ANKAR: variants seen among roughly 807,000 people sequenced by gnomAD.
The protein encoded by ANKAR is ankyrin and armadillo repeat containing.
In ANKAR, 136 loss-of-function variants were observed where a neutral mutation model predicts 146.2. That is an observed-to-expected ratio of 0.93 (90% CI 0.81 to 1.07). The LOEUF is 1.07. Among genes scored for constraint, ANKAR ranks in the 50% least tolerant of loss-of-function variants. The pLI, the probability that ANKAR is intolerant of heterozygous loss-of-function variation, is 0.00. For missense variants in ANKAR, 1,567 were observed against 1,679.9 expected (o/e 0.93, Z 1.18); for synonymous variants, 500 against 575.8 (o/e 0.87, Z 1.88).
downstream of ANKAR, chr2:189,750,483 A>G: frequency 1.6e-6 from 1 of 618,400 alleles, no homozygotes; most frequent in Admixed American, 3.5e-5. Flanking sequence ...ATGAATAATT[A>G]ATATTATATA....
intron 3 of ANKAR, among the ~76,000 whole-genome samples, chr2:189,691,465 C>T (rs2105805425): frequency 6.6e-6 from 1 of 152,086 alleles, no homozygotes; most frequent in Non-Finnish European, 1.5e-5. Flanking sequence ...TTTATAATGT[C>T]TCCTTTTACC....
At chr2:189,683,043 T>C (rs1375598254) in intron 2 of ANKAR, among the ~76,000 whole-genome samples, 1 of 152,166 alleles carries the variant, frequency 6.6e-6, no homozygotes, top group African/African-American at 2.4e-5. Flanking sequence ...AATGCCCTTA[T>C]AAAAGAGGCC....
chr2:189,750,637 T>C (rs1292915064), downstream of ANKAR: 3 of 1,586,984 alleles, frequency 1.9e-6, no homozygotes, highest in African/African-American at 1.3e-5. Context: ...TCTTTTGATA[T>C]GTCTACTCCA....
intron 2 of ANKAR, among the ~76,000 whole-genome samples, chr2:189,683,873 G>C (rs2035125084): frequency 6.6e-6 from 1 of 152,184 alleles, no homozygotes. Flanking sequence ...AGACTGCTGG[G>C]AATCCGTCTT....
chr2:189,743,589 T>C, intron 21 of ANKAR, 115 bp downstream of exon 21: 3 of 929,584 alleles, frequency 3.2e-6, no homozygotes, highest in Non-Finnish European at 4.8e-6. Flanking sequence ...ATCTCCTGTA[T>C]AGCAGAGGAT....
intron 19 of ANKAR, among the ~76,000 whole-genome samples, chr2:189,739,012 T>C (rs1233168859): frequency 6.6e-6 from 1 of 152,222 alleles, no homozygotes; most frequent in Non-Finnish European, 1.5e-5. Flanking sequence ...TGATTTATAA[T>C]AGTGGTGGCA....
At chr2:189,714,963 AAAAAGAG>A (rs2040228845) in intron 10 of ANKAR, among the ~76,000 whole-genome samples, 2 of 144,004 alleles carry the variant, frequency 1.4e-5, no homozygotes, top group African/African-American at 5.0e-5. Context: ...AAAAAAAAAA[AAAAAGAG>A]AGAGAGAGAG....
At chr2:189,745,053 T>C (rs1299976821) in intron 22 of ANKAR, among the ~76,000 whole-genome samples, 3 of 27,660 alleles carry the variant, frequency 1.1e-4, no homozygotes, top group African/African-American at 4.0e-4. Flanking sequence ...TAGCCAGGCA[T>C]GGTGGCGCGT....
At chr2:189,751,446 T>G (rs899958506), downstream of ANKAR, among the ~76,000 whole-genome samples, 8 of 121,364 alleles carry the variant, frequency 6.6e-5, no homozygotes, top group Non-Finnish European at 1.0e-4. Flanking sequence ...CAAGTTGTGT[T>G]TTTTTTTTTT....
chr2:189,722,269 G>A (rs1048874817), intron 12 of ANKAR, among the ~76,000 whole-genome samples: 3 of 150,436 alleles, frequency 2.0e-5, no homozygotes, highest in Non-Finnish European at 4.4e-5. Flanking sequence ...AACCCGAGAG[G>A]CGGAGGTTGC....
chr2:189,686,418 TC>T (rs1444781292), intron 2 of ANKAR, among the ~76,000 whole-genome samples: 1 of 152,204 alleles, frequency 6.6e-6, no homozygotes, highest in Non-Finnish European at 1.5e-5. Flanking sequence ...GTCCTCAATT[TC>T]TTTGTAAATG....
intron 18 of ANKAR, among the ~76,000 whole-genome samples, chr2:189,759,502 G>A (rs139968061): frequency 1.8e-3 from 275 of 152,152 alleles, no homozygotes; most frequent in African/African-American, 6.1e-3. Flanking sequence ...CACTTGCCTC[G>A]GCCTCCCAAA....
intron 7 of ANKAR, among the ~76,000 whole-genome samples, chr2:189,701,945 T>TA (rs1442955884): frequency 2.0e-5 from 3 of 152,074 alleles, no homozygotes; most frequent in African/African-American, 4.8e-5. Context: ...GATGGTAAGG[T>TA]ATGGGGGGAG....
intron 16 of ANKAR, among the ~76,000 whole-genome samples, chr2:189,732,782 T>C (rs868659462): frequency 1.3e-5 from 2 of 152,122 alleles, no homozygotes; most frequent in South Asian, 2.1e-4. Context: ...GAACTTTTTT[T>C]TAATATGGAA....
intron 7 of ANKAR, among the ~76,000 whole-genome samples, chr2:189,699,716 G>T (rs2037775663): frequency 6.6e-6 from 1 of 152,188 alleles, no homozygotes; most frequent in South Asian, 2.1e-4. Flanking sequence ...CTGGAGTGCA[G>T]TGGTGAGATT....
At chr2:189,718,836 G>A (rs1364108584) in intron 10 of ANKAR, among the ~76,000 whole-genome samples, 1 of 147,916 alleles carries the variant, frequency 6.8e-6, no homozygotes, top group Non-Finnish European at 1.5e-5. Flanking sequence ...TGCAAGCTCC[G>A]CTTCCCGGGT....
intron 1 of ANKAR, among the ~76,000 whole-genome samples, chr2:189,675,594 C>G (rs1210573335): frequency 6.6e-6 from 1 of 152,064 alleles, no homozygotes. Context: ...TTGATCTGCC[C>G]GACTTGGCCT....
downstream of ANKAR, chr2:189,761,709 C>T: frequency 1.4e-6 from 2 of 1,434,348 alleles, no homozygotes; most frequent in South Asian, 3.2e-5. Context: ...TGACATTAGC[C>T]AGCTTATTTT....
chr2:189,711,104 A>C lies in ANKAR; in HGVS notation c.2175A>C (p.Glu725Asp). Residue 725 changes from glutamate (E) to aspartate (D), a missense_variant, in exon 10 of 23, where the codon GAA becomes GAC. Transcript: ENST00000684021. ...GGATGATGGCCGTCATGTCCTTGGA[A>C]GTAATTTGCTTAGCAAATGATCAAT... The part of the protein sequence containing the change: ...KRRMMAVMSL[E>D]VICLANDQYW... The C allele has an allele frequency of 1.2e-6, 2 of 1,614,156 alleles. No homozygotes were observed. The highest frequency in any genetic ancestry group is 1.7e-6 in the Non-Finnish European group (2 of 1,179,998).
Sources: gnomAD v4.1 joint callset for allele counts (sites outside exome capture counted in the v4.1 genomes callset) on GRCh38, gnomAD v4.1.1 for gene constraint, MANE v1.5 for transcripts, NCBI Gene and HGNC (gene_info 2026-07-23, HGNC 2026-07-21) for gene names.